ATP2A3: variants seen among roughly 807,000 people sequenced by gnomAD.
ATP2A3 encodes the protein ATPase sarcoplasmic/endoplasmic reticulum Ca2+ transporting 3.
Under a neutral mutation model 106.8 loss-of-function variants are expected in ATP2A3, and 61 were observed. The ratio of observed to expected loss-of-function variants is 0.57; its 90% CI spans 0.46 to 0.71. ATP2A3 has a LOEUF of 0.71. ATP2A3 is among the 30% of genes least tolerant of loss of function. ATP2A3 has a pLI of 0.00. For missense variants in ATP2A3, 1,201 were observed against 1,423.5 expected, an observed-to-expected ratio of 0.84 and a Z score of 2.52; for synonymous variants, 611 against 609.3, an observed-to-expected ratio of 1.00 and a Z score of -0.04.
Position 3,955,961 on chromosome 17 carries a change from A to G in ATP2A3, c.119-2251T>C, listed in dbSNP as rs111431116. ...CAGTGGCGGGATCTTGGCTTACTGC[A>G]ACCTCCGCCTCCCAGGTTCAAGCGA... is the stretch of plus-strand genomic sequence containing the variant. On this transcript the variant is annotated intron_variant, in intron 1 of 20. Coordinates refer to ENST00000397041, the MANE Select transcript of ATP2A3 (RefSeq NM_005173.4). This position sits in a 1 kb window ranked among gnomAD's most constrained non-coding sequence, Gnocchi z 4.2. Among the ~76,000 whole-genome samples, 6,879 of 151,314 alleles carry G rather than the reference A, an allele frequency of 0.045. 523 individuals carry two copies. The highest frequency in any genetic ancestry group is 0.16 in the African/African-American group (6,484 of 41,136).
rs762702585 is a variant in ATP2A3 at position 3,947,634 on chromosome 17, G to A, written c.852C>T (p.His284=). ...INIGHFADPA[H]GGSWLRGAVY... The stretch of plus-strand genomic sequence containing the variant: ...CAGCGCCACGCAGCCAGGAGCCACC[G>A]TGGGCCGGGTCGGCGAAGTGGCCGA... The change falls in exon 8 of 21, where the codon CAC becomes CAT. Residue 284 remains histidine, a synonymous_variant. Transcript: ENST00000397041. The surrounding 1 kb of genome is among the most constrained non-coding windows in gnomAD (Gnocchi z 7.7). 19 of 1,612,308 alleles carry A rather than the reference G, an allele frequency of 1.2e-5. No individual in the cohort carries two copies. The highest frequency in any genetic ancestry group is 2.7e-5 in the African/African-American group (2 of 74,932).
rs1311195984 is a variant in ATP2A3 at position 3,930,436 on chromosome 17, TG to T, written c.2611-3del. On this transcript the variant is annotated splice_polypyrimidine_tract_variant and splice_region_variant and intron_variant, in intron 17 of 20. Transcript: ENST00000397041. This position sits in a 1 kb window ranked among gnomAD's most constrained non-coding sequence, Gnocchi z 5.4. ...TTCGGAGCACTTCAGGAAGTTCCTCTGGGGGCACCGTGGCAGGTCAGAGAGA... is the reference window on the plus strand; with the variant it reads ...TTCGGAGCACTTCAGGAAGTTCCTCTGGGGCACCGTGGCAGGTCAGAGAGA... 3.7e-6 allele frequency: 6 copies of T among 1,613,756 alleles called. No individual in the cohort carries two copies. The highest frequency in any genetic ancestry group is 2.2e-5 in the East Asian group (1 of 44,862).
In ATP2A3 at chr17:3,953,270, C is replaced by G. The variant is rs1020775370; in HGVS notation, c.219+77G>C. 9 of 1,508,158 alleles carry G rather than the reference C, an allele frequency of 6.0e-6. No individual in the cohort carries two copies. Among genetic ancestry groups the G allele is most frequent in the Non-Finnish European group, 8.3e-6 (9 of 1,084,634 alleles). 93.4% of individuals were successfully genotyped at this position (1,508,158 alleles called of 1,614,324 possible). The stretch of plus-strand genomic sequence containing the variant: ...TGGAGGACAGGCCCAGGCTCCAGGA[C>G]CTCGGAGCACTGCCCAGCCTGGCTC... On this transcript the variant is annotated intron_variant, in intron 3 of 20. Transcript: ENST00000397041. The surrounding 1 kb of genome is among the most constrained non-coding windows in gnomAD (Gnocchi z 5.1).
intron 11 of ATP2A3, among the ~76,000 whole-genome samples, chr17:3,943,128 A>G (rs1451812878): frequency 6.6e-6 from 1 of 152,132 alleles, no homozygotes; most frequent in African/African-American, 2.4e-5. Flanking sequence ...TCTCTACTAA[A>G]AAATGCAAAA....
chr17:3,963,623 C>T (rs1237872050), intron 1 of ATP2A3, among the ~76,000 whole-genome samples: 5 of 152,232 alleles, frequency 3.3e-5, no homozygotes, highest in African/African-American at 1.2e-4. Context: ...CCCACCGACT[C>T]CGCCAGCCAC....
chr17:3,953,833 G>A lies in ATP2A3; in HGVS notation c.119-123C>T, dbSNP rs1262604764. 2 of 1,062,190 alleles carry A rather than the reference G, an allele frequency of 1.9e-6. No homozygotes were observed. The highest frequency in any genetic ancestry group is 2.8e-6 in the Non-Finnish European group (2 of 703,788). The allele number at this position is 1,062,190 out of a possible 1,614,324, so 65.8% of individuals were successfully genotyped here. On this transcript the variant is annotated intron_variant, in intron 1 of 20. Transcript: ENST00000397041. The surrounding 1 kb of genome is among the most constrained non-coding windows in gnomAD (Gnocchi z 5.1). ...CCCGCCCAGACCCCCACCACGGACT[G>A]GATGTATCCCCAGGGCTCTCTGAGG...
At chr17:3,963,023 A>G (rs1270887183) in intron 1 of ATP2A3, among the ~76,000 whole-genome samples, 1 of 152,226 alleles carries the variant, frequency 6.6e-6, no homozygotes, top group Non-Finnish European at 1.5e-5. Flanking sequence ...AACTAAATAT[A>G]GCAACTAATT....
In ATP2A3 at chr17:3,932,144, T is replaced by C. The variant is rs556091110; in HGVS notation, c.2611-1710A>G. On this transcript the variant is annotated intron_variant, in intron 17 of 20. Transcript: ENST00000397041. Reference sequence around the variant, plus strand: ...GTCTTGTTTTCTTTTTATTTTGTTTTGTTTTGTTTTTGTTTTCGAGACTGA... The same window carrying C: ...GTCTTGTTTTCTTTTTATTTTGTTTCGTTTTGTTTTTGTTTTCGAGACTGA... Among the ~76,000 whole-genome samples the C allele has an allele frequency of 9.2e-5, 14 of 152,194 alleles. No homozygotes were observed. The South Asian group carries it at 2.9e-3, about 32-fold the overall frequency.
intron 17 of ATP2A3, among the ~76,000 whole-genome samples, chr17:3,933,538 C>A (rs2053240357): frequency 6.6e-6 from 1 of 151,150 alleles, no homozygotes; most frequent in African/African-American, 2.5e-5. Flanking sequence ...GAGATCGAGA[C>A]CATCCTGGCC....
chr17:3,964,024 G>T, intron 1 of ATP2A3, 150 bp downstream of exon 1: 1 of 309,328 alleles, frequency 3.2e-6, no homozygotes, highest in Non-Finnish European at 5.1e-6. Context: ...TGGCCGCGCA[G>T]CCCCGCCGGG....
In ATP2A3 at chr17:3,945,044, C is replaced by T. The variant is rs1454134600; in HGVS notation, c.1184+16G>A. ...CCCAGGCCGCCCGCCCGCGCGTCCC[C>T]TGGCCCCGCACTCACACTTCGCCCT... is the stretch of plus-strand genomic sequence containing the variant. On this transcript the variant is annotated intron_variant, in intron 9 of 20. Transcript: ENST00000397041. The T allele has an allele frequency of 7.2e-6, 11 of 1,517,624 alleles. No individual in the cohort carries two copies. Among genetic ancestry groups the T allele is most frequent in the Non-Finnish European group, 9.7e-6 (11 of 1,131,000 alleles). The allele number at this position is 1,517,624 out of a possible 1,614,324, so 94.0% of individuals were successfully genotyped here.
rs1223286454 is a variant in ATP2A3 at position 3,945,157 on chromosome 17, C to A, written c.1096-9G>T. On this transcript the variant is annotated splice_polypyrimidine_tract_variant and intron_variant, in intron 8 of 20. Coordinates refer to ENST00000397041, the MANE Select transcript of ATP2A3 (RefSeq NM_005173.4). Reference sequence around the variant, plus strand: ...TCGGCTACCACGAACATCTGGGGAGCGCAGGGGCGTGCTTAGGCGGGCGGG... The same window carrying A: ...TCGGCTACCACGAACATCTGGGGAGAGCAGGGGCGTGCTTAGGCGGGCGGG... 1.9e-6 allele frequency: 3 copies of A among 1,545,984 alleles called. No individual in the cohort carries two copies. Among genetic ancestry groups the A allele is most frequent in the East Asian group, 2.5e-5 (1 of 40,716 alleles).
chr17:3,929,540 G>C lies in ATP2A3; in HGVS notation c.2745-95C>G. On this transcript the variant is annotated intron_variant, in intron 18 of 20. Transcript: ENST00000397041. This position sits in a 1 kb window ranked among gnomAD's most constrained non-coding sequence, Gnocchi z 4.3. ...GGAGGAGCCTCACCACTTCTCTAGC[G>C]GTGCATTGCTGTTGCCCGCTCGGCC... is the stretch of plus-strand genomic sequence containing the variant. 1 of 1,094,460 alleles carries C rather than the reference G, an allele frequency of 9.1e-7. No individual in the cohort carries two copies. The highest frequency in any genetic ancestry group is 1.4e-5 in the South Asian group (1 of 71,644). The allele number at this position is 1,094,460 out of a possible 1,614,324, so 67.8% of individuals were successfully genotyped here. A position where few individuals can be genotyped will look rare whatever the true frequency, so the allele number is the denominator to read the frequency against.
At position 3,928,779 on chromosome 17, in the gene ATP2A3, A is replaced by G; in HGVS notation, c.2864T>C (p.Leu955Pro). The change falls in exon 20 of 21, where the codon CTC (leucine) becomes CCC (proline). Residue 955 changes from leucine to proline, a missense_variant and splice_region_variant. Physicochemically the swap from Leu to Pro is moderately conservative, Grantham distance 98. Coordinates refer to ENST00000397041, the MANE Select transcript of ATP2A3 (RefSeq NM_005173.4). The surrounding 1 kb of genome is among the most constrained non-coding windows in gnomAD (Gnocchi z 6.1). ...GCTCAGTGGGGTCACCTGGAAAATG[A>G]GCTGGCGGGGAGGGGAAGGGAGGTT... is the stretch of plus-strand genomic sequence containing the variant. ...FLILLVPPLP[L>P]IFQVTPLSGR... The G allele has an allele frequency of 2.6e-6, 4 of 1,553,880 alleles. No homozygotes were observed. Among genetic ancestry groups the G allele is most frequent in the Non-Finnish European group, 3.5e-6 (4 of 1,148,320 alleles).
At chr17:3,940,665 G>A (rs1053366806) in intron 14 of ATP2A3, among the ~76,000 whole-genome samples, 96 of 151,996 alleles carry the variant, frequency 6.3e-4, no homozygotes, top group African/African-American at 2.1e-3. Flanking sequence ...GCACCACCAC[G>A]CCCCGCTAAT....
Position 3,947,568 on chromosome 17 carries a change from G to A in ATP2A3, c.918C>T (p.Ala306=), listed in dbSNP as rs150334891. Residue 306 remains alanine, a synonymous_variant, in exon 8 of 21, where the codon GCC becomes GCT. Coordinates refer to ENST00000397041, the MANE Select transcript of ATP2A3 (RefSeq NM_005173.4). This position sits in a 1 kb window ranked among gnomAD's most constrained non-coding sequence, Gnocchi z 7.7. ...TGACAGCCGGGAGGCCCTCGGGGAT[G>A]GCCGCCACCGCCAGGGCCACGGCGA... ...FKIAVALAVA[A]IPEGLPAVIT... is the part of the protein sequence containing the mutation. 1 of 1,612,784 alleles carries A rather than the reference G, an allele frequency of 6.2e-7. No homozygotes were observed. The highest frequency in any genetic ancestry group is 1.3e-5 in the African/African-American group (1 of 74,948).
At chr17:3,945,461 G>A in intron 8 of ATP2A3, 1 of 282,048 alleles carries the variant, frequency 3.5e-6, no homozygotes, top group Non-Finnish European at 6.8e-6. Context: ...GAAAGCCTGG[G>A]TCCTTGCCCA....
rs951496679 is a variant in ATP2A3 at position 3,926,279 on chromosome 17, G to A, written c.2981-838C>T. On this transcript the variant is annotated intron_variant, in intron 20 of 20. Transcript: ENST00000397041. This position sits in a 1 kb window ranked among gnomAD's most constrained non-coding sequence, Gnocchi z 4.6. ...CGCAAAGGGTCCCTCTCTCACCCCCGCCCCGTCTGGCTTTAGGAGGCCCCA... is the reference window on the plus strand; with the variant it reads ...CGCAAAGGGTCCCTCTCTCACCCCCACCCCGTCTGGCTTTAGGAGGCCCCA... Among the ~76,000 whole-genome samples the A allele has an allele frequency of 6.6e-6, 1 of 152,100 alleles. No individual in the cohort carries two copies. Among genetic ancestry groups the A allele is most frequent in the Non-Finnish European group, 1.5e-5 (1 of 68,016 alleles).
chr17:3,938,783 C>T (rs1224905292), intron 14 of ATP2A3, among the ~76,000 whole-genome samples: 3 of 152,062 alleles, frequency 2.0e-5, no homozygotes, highest in Non-Finnish European at 4.4e-5. Flanking sequence ...GTGATCTGCC[C>T]GCCTCAACCT....
Sources: allele counts gnomAD v4.1 joint callset (sites outside exome capture counted in the v4.1 genomes callset), GRCh38; gene constraint gnomAD v4.1.1; non-coding constraint Gnocchi (gnomAD v3.1); transcripts MANE v1.5; gene names NCBI Gene and HGNC (gene_info 2026-07-23, HGNC 2026-07-21).